CFAP263: variants seen among roughly 807,000 people sequenced by gnomAD.
The protein encoded by CFAP263 is cilia- and flagella-associated protein 263.
At chr16:58,279,608 A>G in the CFAP263 span, 10 of 1,147,416 alleles carry the variant, frequency 8.7e-6, no homozygotes, top group South Asian at 4.6e-5. Context: ...CATTCTCAGT[A>G]GCCACAATCA....
the CFAP263 span, chr16:58,253,888 T>C: frequency 8.8e-7 from 1 of 1,142,636 alleles, no homozygotes; most frequent in Admixed American, 2.0e-5. Flanking sequence ...TCTCCCTGGC[T>C]GTCACTCTGG....
the CFAP263 span, chr16:58,258,401 G>A: frequency 6.2e-7 from 1 of 1,613,960 alleles, no homozygotes; most frequent in Non-Finnish European, 8.5e-7. Context: ...TCGATGGAGT[G>A]AAGTTTCGAG....
chr16:58,261,693 T>C, the CFAP263 span, among the ~76,000 whole-genome samples: 3 of 152,082 alleles, frequency 2.0e-5, no homozygotes, highest in African/African-American at 7.2e-5. Context: ...TGTGTTGTTT[T>C]GGGAAGGGGA....
chr16:58,269,808 A>G, the CFAP263 span, among the ~76,000 whole-genome samples: 2 of 152,236 alleles, frequency 1.3e-5, no homozygotes, highest in Admixed American at 1.3e-4. Flanking sequence ...TTTTCTGTGG[A>G]TACATGTTTT....
chr16:58,259,166 C>G, the CFAP263 span, among the ~76,000 whole-genome samples: 1 of 151,958 alleles, frequency 6.6e-6, no homozygotes, highest in Non-Finnish European at 1.5e-5. Context: ...CTGGTCTGGT[C>G]CAGCCTATCT....
chr16:58,254,789 G>A, the CFAP263 span, among the ~76,000 whole-genome samples: 2 of 151,860 alleles, frequency 1.3e-5, no homozygotes, highest in Non-Finnish European at 2.9e-5. Flanking sequence ...TGTATTTTTA[G>A]TAGACACGAG....
chr16:58,270,334 C>T, the CFAP263 span, among the ~76,000 whole-genome samples: 14 of 152,200 alleles, frequency 9.2e-5, no homozygotes, highest in African/African-American at 3.1e-4. Flanking sequence ...TCATCGAACA[C>T]AAAGTCTGTT....
At chr16:58,262,512 ACACTCTGCAGGTTCT>A in the CFAP263 span, 4 of 1,609,214 alleles carry the variant, frequency 2.5e-6, no homozygotes, top group Admixed American at 3.3e-5. Context: ...TCATCTGGAA[ACACTCTGCAGGTTCT>A]CAATGCCTAC....
chr16:58,266,784 G>A, the CFAP263 span, among the ~76,000 whole-genome samples: 3 of 152,162 alleles, frequency 2.0e-5, no homozygotes, highest in Non-Finnish European at 2.9e-5. Context: ...GGTGGGGCCT[G>A]CAGAAGCCAG....
chr16:58,280,131 C>G, the CFAP263 span: 1 of 1,316,960 alleles, frequency 7.6e-7, no homozygotes, highest in Non-Finnish European at 1.1e-6. Context: ...CCCCAGTGTG[C>G]AACTATCAAA....
the CFAP263 span, chr16:58,262,448 C>T: frequency 6.2e-7 from 1 of 1,613,150 alleles, no homozygotes; most frequent in African/African-American, 1.3e-5. Context: ...AGAGAACGCT[C>T]AATTTCTTGA....
the CFAP263 span, among the ~76,000 whole-genome samples, chr16:58,261,743 G>A: frequency 6.6e-6 from 1 of 152,190 alleles, no homozygotes; most frequent in Admixed American, 6.5e-5. Context: ...CAGCATGAGT[G>A]AGGCATGGGA....
chr16:58,281,018 C>A, the CFAP263 span: 1 of 458,054 alleles, frequency 2.2e-6, no homozygotes, highest in Non-Finnish European at 3.9e-6. Flanking sequence ...CATTTTCTTG[C>A]CCCTTTCCAG....
the CFAP263 span, among the ~76,000 whole-genome samples, chr16:58,260,156 C>T: frequency 6.6e-6 from 1 of 152,160 alleles, no homozygotes; most frequent in African/African-American, 2.4e-5. Flanking sequence ...TATAATCTCC[C>T]TCCTTATCAG....
chr16:58,256,089 G>C, the CFAP263 span, among the ~76,000 whole-genome samples: 5 of 152,302 alleles, frequency 3.3e-5, no homozygotes, highest in African/African-American at 1.2e-4. Context: ...CTATTTTTCT[G>C]TTTCTAAATG....
the CFAP263 span, among the ~76,000 whole-genome samples, chr16:58,263,497 C>T: frequency 1.3e-5 from 2 of 152,140 alleles, no homozygotes; most frequent in South Asian, 2.1e-4. Context: ...CTATCTGGTC[C>T]TTTACAGAAA....
chr16:58,271,934 A>C, the CFAP263 span, among the ~76,000 whole-genome samples: 1 of 152,150 alleles, frequency 6.6e-6, no homozygotes, highest in Non-Finnish European at 1.5e-5. Context: ...TTTATTTGGA[A>C]TTCTTCTGTA....
chr16:58,258,914 A>G, the CFAP263 span, among the ~76,000 whole-genome samples: 21,626 of 151,904 alleles, frequency 0.14, 2,044 homozygotes, highest in East Asian at 0.33. Flanking sequence ...GGAGGCGGAG[A>G]TTGCGGTGAG....
chr16:58,277,638 C>T, the CFAP263 span, among the ~76,000 whole-genome samples: 2 of 152,058 alleles, frequency 1.3e-5, no homozygotes, highest in South Asian at 2.1e-4. Context: ...CCATTCTTCA[C>T]AATAGCCAAG....
Sources: gnomAD v4.1 joint callset for allele counts (sites outside exome capture counted in the v4.1 genomes callset) on GRCh38, gnomAD v4.1.1 for gene constraint, MANE v1.5 for transcripts, NCBI Gene and HGNC (gene_info 2026-07-23, HGNC 2026-07-21) for gene names.